PRELID2: variants seen among roughly 807,000 people sequenced by gnomAD.
PRELID2 encodes PRELI domain-containing protein 2.
In PRELID2, 25 loss-of-function variants were observed where a neutral mutation model predicts 28.4. The ratio of observed to expected loss-of-function variants is 0.88; its 90% CI spans 0.64 to 1.23. The LOEUF is 1.23. Among genes scored for constraint, PRELID2 ranks in the 50% most tolerant of loss-of-function variants. The probability of loss-of-function intolerance (pLI) is 0.00; values close to 1 mark genes in which losing one functional copy is unlikely to be tolerated. For missense variants in PRELID2, 201 were observed against 214.4 expected (o/e 0.94, Z 0.39); for synonymous variants, 76 against 71.6 (o/e 1.06, Z -0.31).
At chr5:145,731,982 G>T (rs1057500691) in intron 1 of PRELID2, among the ~76,000 whole-genome samples, 2 of 152,332 alleles carry the variant, frequency 1.3e-5, no homozygotes, top group Non-Finnish European at 1.5e-5. Context: ...TCCTGGTAAT[G>T]AGCTATACCT....
the PRELID2 span, among the ~76,000 whole-genome samples, chr5:145,243,235 C>T: frequency 6.6e-6 from 1 of 151,960 alleles, no homozygotes; most frequent in Admixed American, 6.6e-5. Context: ...GTTGGAAATG[C>T]CTTTCTGTCC....
chr5:145,620,278 ACAC>A (rs913014219), intron 1 of PRELID2, among the ~76,000 whole-genome samples: 2 of 152,202 alleles, frequency 1.3e-5, no homozygotes, highest in African/African-American at 4.8e-5. Flanking sequence ...CTCCAGTAAA[ACAC>A]CAAAAGCAAA....
intron 1 of PRELID2, among the ~76,000 whole-genome samples, chr5:145,672,555 T>C (rs1290594518): frequency 6.6e-6 from 1 of 151,038 alleles, no homozygotes; most frequent in East Asian, 1.9e-4. Context: ...TCCTCCTGTA[T>C]AGCCACCTTC....
chr5:145,623,620 G>C (rs149295029), intron 1 of PRELID2, among the ~76,000 whole-genome samples: 1 of 151,830 alleles, frequency 6.6e-6, no homozygotes, highest in Non-Finnish European at 1.5e-5. Context: ...TAGATAAATA[G>C]ATAGGTAGGT....
intron 1 of PRELID2, among the ~76,000 whole-genome samples, chr5:145,545,862 G>A (rs546068930): frequency 2.0e-5 from 3 of 152,162 alleles, no homozygotes; most frequent in African/African-American, 7.2e-5. Flanking sequence ...ACATACATTT[G>A]GTGGTTTTCC....
chr5:145,338,714 A>G, the PRELID2 span, among the ~76,000 whole-genome samples: 8 of 152,158 alleles, frequency 5.3e-5, no homozygotes, highest in African/African-American at 1.9e-4. Context: ...ACCACATGCT[A>G]TTTGATTTTC....
chr5:145,484,390 G>C (rs1438530865), intron 1 of PRELID2, among the ~76,000 whole-genome samples: 2 of 152,202 alleles, frequency 1.3e-5, no homozygotes, highest in African/African-American at 4.8e-5. Context: ...CATGTAAGCA[G>C]ATCCTCCTAC....
At chr5:145,468,051 T>C (rs1752018972), downstream of PRELID2, among the ~76,000 whole-genome samples, 1 of 152,114 alleles carries the variant, frequency 6.6e-6, no homozygotes, top group African/African-American at 2.4e-5. Flanking sequence ...TATCTCCTAA[T>C]GCTATCCCTC....
At chr5:145,490,771 G>T (rs1343379633) in intron 1 of PRELID2, among the ~76,000 whole-genome samples, 1 of 152,058 alleles carries the variant, frequency 6.6e-6, no homozygotes, top group Non-Finnish European at 1.5e-5. Context: ...TTTAAAATTT[G>T]AAAATTCAGT....
intron 4 of PRELID2, among the ~76,000 whole-genome samples, chr5:145,811,119 A>AAAAAAG (rs1753904622): frequency 1.2e-5 from 1 of 83,714 alleles, no homozygotes; most frequent in South Asian, 3.7e-4. Flanking sequence ...AAAAAAAAAA[A>AAAAAAG]TTGTGCCAGG....
At chr5:145,636,767 G>A (rs1754008399) in intron 1 of PRELID2, among the ~76,000 whole-genome samples, 1 of 152,068 alleles carries the variant, frequency 6.6e-6, no homozygotes, top group Non-Finnish European at 1.5e-5. Flanking sequence ...TTTCTTTTGG[G>A]GGCATAGGTT....
chr5:145,358,073 C>A, the PRELID2 span, among the ~76,000 whole-genome samples: 2 of 152,014 alleles, frequency 1.3e-5, no homozygotes, highest in Admixed American at 1.3e-4. Context: ...GTTGGGTGTT[C>A]TGGTTCATGG....
chr5:145,391,031 G>A, the PRELID2 span, among the ~76,000 whole-genome samples: 1 of 152,180 alleles, frequency 6.6e-6, no homozygotes, highest in Non-Finnish European at 1.5e-5. Context: ...GCCTTGGGAA[G>A]TGCCACCCCT....
At chr5:145,787,858 A>C (rs1032221380) in intron 5 of PRELID2, among the ~76,000 whole-genome samples, 4 of 152,222 alleles carry the variant, frequency 2.6e-5, no homozygotes, top group Admixed American at 6.5e-5. Flanking sequence ...CTTTTTATGT[A>C]TAAATTGAAC....
intron 1 of PRELID2, among the ~76,000 whole-genome samples, chr5:145,593,594 AAAGAAAAGG>A (rs1242920470): frequency 6.6e-6 from 1 of 152,208 alleles, no homozygotes; most frequent in Non-Finnish European, 1.5e-5. Context: ...AACTAATGAA[AAAGAAAAGG>A]AAGAAAAGGC....
At chr5:145,567,217 T>C (rs1752974485) in intron 1 of PRELID2, among the ~76,000 whole-genome samples, 1 of 152,132 alleles carries the variant, frequency 6.6e-6, no homozygotes, top group Non-Finnish European at 1.5e-5. Flanking sequence ...ATTGATATGG[T>C]TAGGGTTTGT....
intron 1 of PRELID2, among the ~76,000 whole-genome samples, chr5:145,613,102 G>A (rs186017156): frequency 5.3e-5 from 8 of 152,132 alleles, no homozygotes; most frequent in Admixed American, 3.3e-4. Context: ...ATCACTGAAA[G>A]GTACAAGTGT....
the PRELID2 span, among the ~76,000 whole-genome samples, chr5:145,326,942 G>C: frequency 6.6e-6 from 1 of 151,682 alleles, no homozygotes; most frequent in Non-Finnish European, 1.5e-5. Context: ...GAAAGCATTT[G>C]CAATATGAGT....
intron 1 of PRELID2, among the ~76,000 whole-genome samples, chr5:145,720,602 T>C (rs1007061292): frequency 2.4e-4 from 37 of 152,212 alleles, no homozygotes; most frequent in African/African-American, 8.9e-4. Context: ...TGACTCCTTC[T>C]TGAAGAAACT....
Sources: gnomAD v4.1 joint callset for allele counts (sites outside exome capture counted in the v4.1 genomes callset) on GRCh38, gnomAD v4.1.1 for gene constraint, MANE v1.5 for transcripts, NCBI Gene and HGNC (gene_info 2026-07-23, HGNC 2026-07-21) for gene names.